The following TRHDE variants were observed in gnomAD, a reference collection of about 807,000 sequenced individuals.
TRHDE encodes thyrotropin-releasing hormone-degrading ectoenzyme.
TRHDE carries 72 observed loss-of-function variants against 125.7 expected under a neutral mutation model. That is an observed-to-expected ratio of 0.57 (90% confidence interval 0.47 to 0.70). The LOEUF (loss-of-function observed/expected upper bound fraction) is 0.70, where lower values mean the gene tolerates loss of function less well. Ranked by LOEUF, TRHDE falls within the 30% of genes least tolerant of loss-of-function variation. TRHDE has a pLI of 0.00. For synonymous variants in TRHDE, 509 were observed against 509.1 expected (o/e 1.00, Z 0.00); for missense variants, 1,110 against 1,327.1 (o/e 0.84, Z 2.54).
At chr12:72,631,325 T>C (rs1873486182) in intron 15 of TRHDE, among the ~76,000 whole-genome samples, 1 of 151,836 alleles carries the variant, frequency 6.6e-6, no homozygotes, top group Non-Finnish European at 1.5e-5. Context: ...TTGCCTAATT[T>C]GTAACTTTTT....
At chr12:72,189,242 G>A (rs1877289768) in intron 2 of TRHDE, among the ~76,000 whole-genome samples, 1 of 152,024 alleles carries the variant, frequency 6.6e-6, no homozygotes, top group South Asian at 2.1e-4. Context: ...TCAACTCAGG[G>A]GTATACATCA....
At chr12:72,621,601 CCTAA>C (rs758839159) in intron 14 of TRHDE, 39 bp from the exon 15 acceptor site, 37 of 1,434,958 alleles carry the variant, frequency 2.6e-5, no homozygotes, top group Non-Finnish European at 3.5e-5. Context: ...AATGAATTTC[CCTAA>C]CTTTCTTTTT....
Position 72,196,445 on chromosome 12 carries a change from T to C in TRHDE, n.279+90693T>C, listed in dbSNP as rs143901050. Among the ~76,000 whole-genome samples, 526 of 152,216 alleles carry C rather than the reference T, an allele frequency of 3.5e-3. 5 individuals are homozygous for C. Among genetic ancestry groups the C allele is most frequent in the African/African-American group, 0.012 (501 of 41,562 alleles). On this transcript the variant is annotated intron_variant and non_coding_transcript_variant, in intron 2 of 4. Transcript: ENST00000548156. ...CTTTGTATAGAGCTTTCACCTCCTT[T>C]GTTAGATGTATTCTTAGGTATTTTA...
chr12:72,577,295 T>C lies in TRHDE; in HGVS notation c.2321+1753T>C, dbSNP rs147928266. On this transcript the variant is annotated intron_variant, in intron 12 of 18. Transcript: ENST00000261180. ...GCCAAATGCTTTTCTATTTTATATA[T>C]AGTAATTTGTTTAATTTTCACAACT... Among the ~76,000 whole-genome samples, 15 of 152,278 alleles carry C rather than the reference T, an allele frequency of 9.9e-5. No individual in the cohort carries two copies. In the East Asian group the frequency reaches 2.7e-3, roughly 27 times the overall value.
intron 2 of TRHDE, among the ~76,000 whole-genome samples, chr12:72,367,939 T>A (rs1452886210): frequency 6.6e-6 from 1 of 152,206 alleles, no homozygotes. Flanking sequence ...TTTATTTAAC[T>A]TAAAGTACCA....
At chr12:72,142,622 A>C (rs984207220) in intron 2 of TRHDE, among the ~76,000 whole-genome samples, 3 of 152,192 alleles carry the variant, frequency 2.0e-5, no homozygotes, top group Non-Finnish European at 4.4e-5. Flanking sequence ...TCCTGTTTTC[A>C]TGCCCAAAAA....
intron 6 of TRHDE, among the ~76,000 whole-genome samples, chr12:72,532,502 A>T (rs1444752902): frequency 6.6e-6 from 1 of 151,212 alleles, no homozygotes; most frequent in Non-Finnish European, 1.5e-5. Flanking sequence ...AGAAGAATGC[A>T]TCTCATGTTT....
At chr12:72,536,955 C>T (rs962844955) in intron 6 of TRHDE, among the ~76,000 whole-genome samples, 4 of 151,984 alleles carry the variant, frequency 2.6e-5, no homozygotes, top group Non-Finnish European at 5.9e-5. Flanking sequence ...TAAGTTCTTG[C>T]TATACCCCAT....
At chr12:72,638,807 T>A (rs1873891670) in intron 15 of TRHDE, among the ~76,000 whole-genome samples, 1 of 152,192 alleles carries the variant, frequency 6.6e-6, no homozygotes, top group Non-Finnish European at 1.5e-5. Context: ...GAAAATTCTT[T>A]TCTTTAAGAA....
chr12:72,447,968 C>G (rs1875381727), intron 3 of TRHDE, among the ~76,000 whole-genome samples: 1 of 151,934 alleles, frequency 6.6e-6, no homozygotes, highest in African/African-American at 2.4e-5. Context: ...TTGTTTTTTG[C>G]TATATCCTCT....
intron 6 of TRHDE, among the ~76,000 whole-genome samples, chr12:72,500,377 T>G (rs1878096296): frequency 6.6e-6 from 1 of 152,006 alleles, no homozygotes; most frequent in African/African-American, 2.4e-5. Context: ...TAAATTGCAT[T>G]TGTTGGAATT....
intron 2 of TRHDE, among the ~76,000 whole-genome samples, chr12:72,258,777 C>T (rs1273547859): frequency 6.6e-6 from 1 of 152,174 alleles, no homozygotes; most frequent in Admixed American, 6.5e-5. Context: ...ACTTGACTTT[C>T]ATGGCCTTGA....
chr12:72,135,057 C>T (rs1875950748), intron 2 of TRHDE, among the ~76,000 whole-genome samples: 1 of 151,692 alleles, frequency 6.6e-6, no homozygotes, highest in Non-Finnish European at 1.5e-5. Context: ...AAAGAAAAGA[C>T]AAGGATGTGA....
chr12:72,504,685 T>G (rs549941806), intron 6 of TRHDE, among the ~76,000 whole-genome samples: 4 of 152,326 alleles, frequency 2.6e-5, no homozygotes, highest in African/African-American at 9.6e-5. Flanking sequence ...ATTGCATTCC[T>G]AAAAGAATAT....
At chr12:72,197,761 G>C (rs771264394) in intron 2 of TRHDE, among the ~76,000 whole-genome samples, 7 of 151,948 alleles carry the variant, frequency 4.6e-5, no homozygotes, top group Non-Finnish European at 8.8e-5. Context: ...TGTGTATCTG[G>C]ATCCTGCTTA....
chr12:72,327,755 A>G (rs549271898), intron 2 of TRHDE, among the ~76,000 whole-genome samples: 7 of 151,752 alleles, frequency 4.6e-5, no homozygotes, highest in East Asian at 1.9e-4. Flanking sequence ...ATTAATTTTA[A>G]AAGAAAAAAA....
At chr12:72,396,944 T>C (rs1872817954) in intron 3 of TRHDE, among the ~76,000 whole-genome samples, 1 of 152,182 alleles carries the variant, frequency 6.6e-6, no homozygotes. Flanking sequence ...TATCTCTCTC[T>C]ATTGATCTTA....
intron 2 of TRHDE, among the ~76,000 whole-genome samples, chr12:72,353,071 T>C (rs1565709610): frequency 6.6e-6 from 1 of 151,662 alleles, no homozygotes; most frequent in Non-Finnish European, 1.5e-5. Flanking sequence ...GGACTTGTTT[T>C]TCCCCCACAC....
At chr12:72,386,978 G>T (rs1308979074) in intron 3 of TRHDE, among the ~76,000 whole-genome samples, 1 of 152,118 alleles carries the variant, frequency 6.6e-6, no homozygotes, top group Non-Finnish European at 1.5e-5. Flanking sequence ...CCAGAACTCA[G>T]GTTGGAATCT....
Sources: allele counts gnomAD v4.1 joint callset (sites outside exome capture counted in the v4.1 genomes callset), GRCh38; gene constraint gnomAD v4.1.1; transcripts MANE v1.5; gene names NCBI Gene and HGNC (gene_info 2026-07-23, HGNC 2026-07-21).